AHCYL2: variants seen among roughly 807,000 people sequenced by gnomAD.
The protein encoded by AHCYL2 is adenosylhomocysteinase like 2.
AHCYL2 carries 28 observed loss-of-function variants against 81.4 expected under a neutral mutation model. That is an observed-to-expected ratio of 0.34 (90% CI 0.25 to 0.47). AHCYL2 has a LOEUF of 0.47. AHCYL2 is among the 20% of genes least tolerant of loss of function. The probability of loss-of-function intolerance (pLI) is 1.00; values close to 1 mark genes in which losing one functional copy is unlikely to be tolerated. For missense variants in AHCYL2, 551 were observed against 785.1 expected (o/e 0.70, Z 3.56); for synonymous variants, 272 against 290.2 (o/e 0.94, Z 0.64).
At chr7:129,278,850 C>T (rs1272775503) in intron 1 of AHCYL2, among the ~76,000 whole-genome samples, 2 of 146,342 alleles carry the variant, frequency 1.4e-5, no homozygotes, top group Non-Finnish European at 3.0e-5. Flanking sequence ...ATTGCTCTTG[C>T]ACCTTTGTTG....
At chr7:129,401,720 AGGGGGTTTCTCCT>A (rs1284360382) in intron 6 of AHCYL2, among the ~76,000 whole-genome samples, 1 of 152,224 alleles carries the variant, frequency 6.6e-6, no homozygotes, top group Non-Finnish European at 1.5e-5. Flanking sequence ...CAGATATGCC[AGGGGGTTTCTCCT>A]GGGAATAAAA....
intron 1 of AHCYL2, among the ~76,000 whole-genome samples, chr7:129,269,146 T>C (rs867836565): frequency 5.4e-5 from 5 of 92,464 alleles, no homozygotes; most frequent in African/African-American, 1.5e-4. Flanking sequence ...TTTTTTTTTT[T>C]CACTTACTCT....
chr7:129,322,271 C>G (rs1647366273), intron 1 of AHCYL2, among the ~76,000 whole-genome samples: 1 of 151,968 alleles, frequency 6.6e-6, no homozygotes, highest in Admixed American at 6.6e-5. Flanking sequence ...TCCTGAGTAG[C>G]TGGGATTACA....
At chr7:129,228,475 A>G (rs899401690) in intron 1 of AHCYL2, among the ~76,000 whole-genome samples, 28 of 152,318 alleles carry the variant, frequency 1.8e-4, no homozygotes, top group African/African-American at 6.3e-4. Flanking sequence ...TGTGGCTATG[A>G]TATATTTAAT....
At chr7:129,310,955 AC>A in intron 1 of AHCYL2, among the ~76,000 whole-genome samples, 1 of 152,162 alleles carries the variant, frequency 6.6e-6, no homozygotes, top group Middle Eastern at 3.4e-3. Flanking sequence ...TACAAAAATT[AC>A]AATTAGCCAG....
chr7:129,379,583 G>T, intron 1 of AHCYL2, 55 bp from the exon 2 acceptor site: 1 of 1,353,266 alleles, frequency 7.4e-7, no homozygotes, highest in Non-Finnish European at 1.0e-6. Context: ...GCCTTGAATT[G>T]CTGTCTCAAA....
intron 12 of AHCYL2, among the ~76,000 whole-genome samples, chr7:129,422,293 G>A (rs768285093): frequency 2.6e-5 from 4 of 152,176 alleles, no homozygotes; most frequent in Non-Finnish European, 5.9e-5. Context: ...TTGAAAAGGT[G>A]GAACCTGGGA....
At chr7:129,327,802 TA>T (rs1486167880) in intron 1 of AHCYL2, among the ~76,000 whole-genome samples, 2 of 150,370 alleles carry the variant, frequency 1.3e-5, no homozygotes, top group African/African-American at 4.9e-5. Context: ...TTATTATTAT[TA>T]TTTTTTTTCA....
intron 1 of AHCYL2, among the ~76,000 whole-genome samples, chr7:129,373,173 GTTA>G (rs1794497380): frequency 6.6e-6 from 1 of 152,126 alleles, no homozygotes; most frequent in Admixed American, 6.5e-5. Context: ...AACTCTGGTG[GTTA>G]AGATCCAGCA....
Position 129,225,095 on chromosome 7 carries a change from T to A in AHCYL2, c.19T>A (p.Ser7Thr). The A allele has an allele frequency of 6.3e-7, 1 of 1,596,300 alleles. No homozygotes were observed. The highest frequency in any genetic ancestry group is 8.5e-7 in the Non-Finnish European group (1 of 1,172,818). Residue 7 changes from serine (S) to threonine (T), a missense_variant, in exon 1 of 17, where the codon TCA becomes ACA. By Grantham distance (58) the Ser-to-Thr change is moderately conservative. Coordinates refer to ENST00000325006, the MANE Select transcript of AHCYL2 (RefSeq NM_015328.4). MSVQVV[S>T]AAAAAKVPEV... ...GGCGGTGATGTCGGTGCAGGTTGTG[T>A]CAGCCGCGGCTGCCGCCAAGGTGCC...
chr7:129,321,405 C>T (rs1798007342), intron 1 of AHCYL2, among the ~76,000 whole-genome samples: 1 of 152,136 alleles, frequency 6.6e-6, no homozygotes, highest in African/African-American at 2.4e-5. Flanking sequence ...TTTTTCTGCA[C>T]CTATTGAGAT....
At chr7:129,251,276 G>A (rs1313379427) in intron 1 of AHCYL2, among the ~76,000 whole-genome samples, 2 of 146,216 alleles carry the variant, frequency 1.4e-5, no homozygotes, top group Non-Finnish European at 3.0e-5. Context: ...GACCATGTGT[G>A]TCTTGTTCAC....
rs546048412 is a variant in AHCYL2 at position 129,413,462 on chromosome 7, G to T, written c.1367-132G>T. The T allele has an allele frequency of 3.9e-6, 3 of 768,272 alleles. No homozygotes were observed. The East Asian group carries it at 8.0e-5, about 21-fold the overall frequency. 47.6% of individuals were successfully genotyped at this position (768,272 alleles called of 1,614,324 possible). On this transcript the variant is annotated intron_variant, in intron 11 of 16. Transcript: ENST00000325006. ...GGCCTGGCCTGCTTATTTTTAAGTTGTCTTCTTCTTATTGGGTTGTAAGAA... is the reference window on the plus strand; with the variant it reads ...GGCCTGGCCTGCTTATTTTTAAGTTTTCTTCTTCTTATTGGGTTGTAAGAA...
intron 2 of AHCYL2, among the ~76,000 whole-genome samples, chr7:129,384,751 A>C (rs1349691206): frequency 6.6e-6 from 1 of 152,208 alleles, no homozygotes; most frequent in African/African-American, 2.4e-5. Flanking sequence ...CAGAACACAG[A>C]AAATGATTTT....
At chr7:129,371,629 T>TA (rs1470170932) in intron 1 of AHCYL2, among the ~76,000 whole-genome samples, 2 of 152,240 alleles carry the variant, frequency 1.3e-5, no homozygotes, top group Non-Finnish European at 2.9e-5. Flanking sequence ...TAATGTGTTT[T>TA]ACTTCCCCTG....
At position 129,368,257 on chromosome 7, in the gene AHCYL2, A is replaced by AT. The variant is rs941533023; in HGVS notation, c.364-11377dup. 7.2e-7 allele frequency: 1 copy of AT among 1,395,624 alleles called. No homozygotes were observed. Among genetic ancestry groups the AT allele is most frequent in the African/African-American group, 1.5e-5 (1 of 68,736 alleles). The allele number at this position is 1,395,624 out of a possible 1,614,324, so 86.5% of individuals were successfully genotyped here. ...GGTGCAGCACTTTGCATCAGCTCTG[A>AT]TTTTGAAATCAGACACAGAAGGCTT... On this transcript the variant is annotated intron_variant, in intron 1 of 16. Transcript: ENST00000325006. The surrounding 1 kb of genome is among the most constrained non-coding windows in gnomAD (Gnocchi z 4.4).
At chr7:129,265,450 A>G (rs1031301562) in intron 1 of AHCYL2, among the ~76,000 whole-genome samples, 2 of 152,114 alleles carry the variant, frequency 1.3e-5, no homozygotes, top group African/African-American at 4.8e-5. Flanking sequence ...GCATGACCTT[A>G]AAGGGGCTGC....
intron 1 of AHCYL2, among the ~76,000 whole-genome samples, chr7:129,363,048 G>A (rs1219559883): frequency 6.6e-6 from 1 of 152,038 alleles, no homozygotes; most frequent in African/African-American, 2.4e-5. Flanking sequence ...CAATACTTGT[G>A]GGAATACAAC....
chr7:129,291,311 A>G (rs1293166273), intron 1 of AHCYL2, among the ~76,000 whole-genome samples: 1 of 152,184 alleles, frequency 6.6e-6, no homozygotes, highest in Non-Finnish European at 1.5e-5. Flanking sequence ...GATTATACAT[A>G]TCATTTATTC....
Sources: gnomAD v4.1 joint callset for allele counts (sites outside exome capture counted in the v4.1 genomes callset) on GRCh38, gnomAD v4.1.1 for gene constraint, Gnocchi (gnomAD v3.1) non-coding constraint, MANE v1.5 for transcripts, NCBI Gene and HGNC (gene_info 2026-07-23, HGNC 2026-07-21) for gene names.